Variants in VPS41 observed in about 807,000 individuals in gnomAD.
VPS41 encodes vacuolar protein sorting-associated protein 41 homolog.
VPS41 carries 85 observed loss-of-function variants against 130.9 expected under a neutral mutation model. That is an observed-to-expected ratio of 0.65 (90% CI 0.55 to 0.78). The LOEUF is 0.78. Ranked by LOEUF, VPS41 falls within the 30% of genes least tolerant of loss-of-function variation. The pLI, the probability that VPS41 is intolerant of heterozygous loss-of-function variation, is 0.00. For missense variants in VPS41, 874 were observed against 1,018.7 expected, an observed-to-expected ratio of 0.86 and a Z score of 1.93; for synonymous variants, 335 against 332.9, an observed-to-expected ratio of 1.01 and a Z score of -0.07.
At chr7:38,765,116 T>C (rs1784011327) in intron 16 of VPS41, among the ~76,000 whole-genome samples, 1 of 152,202 alleles carries the variant, frequency 6.6e-6, no homozygotes, top group Admixed American at 6.6e-5. Context: ...TTGATTAGGA[T>C]GTTGTGCACT....
intron 6 of VPS41, among the ~76,000 whole-genome samples, chr7:38,818,496 C>T (rs1785106253): frequency 6.6e-6 from 1 of 152,182 alleles, no homozygotes; most frequent in Non-Finnish European, 1.5e-5. Flanking sequence ...CAGCCCCTTG[C>T]TACCCAGGTT....
intron 2 of VPS41, among the ~76,000 whole-genome samples, chr7:38,880,598 C>T (rs1237632011): frequency 6.6e-6 from 1 of 152,066 alleles, no homozygotes; most frequent in East Asian, 1.9e-4. Flanking sequence ...CTCCCTGATG[C>T]GATTCTGAGA....
chr7:38,737,356 G>A (rs1795789612), intron 25 of VPS41, among the ~76,000 whole-genome samples: 1 of 152,040 alleles, frequency 6.6e-6, no homozygotes, highest in African/African-American at 2.4e-5. Flanking sequence ...TGGCGACAGA[G>A]CAAGACTCCG....
chr7:38,783,468 C>T lies in VPS41; in HGVS notation c.784+6333G>A, dbSNP rs535685527. Among the ~76,000 whole-genome samples, 3 of 151,694 alleles carry T rather than the reference C, an allele frequency of 2.0e-5. No homozygotes were observed. The East Asian group carries it at 5.8e-4, about 29-fold the overall frequency. On this transcript the variant is annotated intron_variant, in intron 10 of 28. Coordinates refer to ENST00000310301, the MANE Select transcript of VPS41 (RefSeq NM_014396.4). ...AGAATTGCTTGAACCTGGGAGGCAG[C>T]GATTACAGTGAGCCGAGATTGTGCC...
chr7:38,819,312 T>C (rs149937134), intron 6 of VPS41, among the ~76,000 whole-genome samples: 83 of 152,322 alleles, frequency 5.4e-4, no homozygotes, highest in African/African-American at 1.6e-3. Flanking sequence ...AAGCTGTTGA[T>C]CTCATTGCTT....
chr7:38,905,207 T>C (rs538709317), intron 1 of VPS41, among the ~76,000 whole-genome samples: 4 of 152,290 alleles, frequency 2.6e-5, no homozygotes, highest in African/African-American at 9.6e-5. Flanking sequence ...GTTCTTATTC[T>C]TGAGGACTCA....
At chr7:38,799,603 C>T (rs974449693) in intron 7 of VPS41, among the ~76,000 whole-genome samples, 2 of 152,010 alleles carry the variant, frequency 1.3e-5, no homozygotes, top group African/African-American at 4.8e-5. Context: ...AGTAAGACTC[C>T]AATTCTCACT....
At chr7:38,782,950 C>T (rs1455871980) in intron 10 of VPS41, among the ~76,000 whole-genome samples, 1 of 151,890 alleles carries the variant, frequency 6.6e-6, no homozygotes, top group African/African-American at 2.4e-5. Context: ...AACCCCGCCT[C>T]TATTAAACAT....
chr7:38,776,658 A>T (rs1440212072), intron 11 of VPS41, 21 bp downstream of exon 11: 1 of 1,435,112 alleles, frequency 7.0e-7, no homozygotes, highest in African/African-American at 1.4e-5. Flanking sequence ...ATGCCTTTGT[A>T]TCTGGGGAGA....
chr7:38,860,719 G>A (rs1274273168), intron 4 of VPS41, among the ~76,000 whole-genome samples: 3 of 151,570 alleles, frequency 2.0e-5, no homozygotes, highest in East Asian at 1.9e-4. Flanking sequence ...GTGTGTGTGT[G>A]TGTGTGTGTG....
chr7:38,726,000 G>T lies in VPS41; in HGVS notation c.*246C>A. On this transcript the variant is annotated 3_prime_UTR_variant, in exon 29 of 29. Coordinates refer to ENST00000310301, the MANE Select transcript of VPS41 (RefSeq NM_014396.4). The stretch of plus-strand genomic sequence containing the variant: ...GTTTCCATTACTATATAAAGAATGA[G>T]CCAAACAAATAAATAACAAAATATT... 1 of 443,470 alleles carries T rather than the reference G, an allele frequency of 2.3e-6. No individual in the cohort carries two copies. The highest frequency in any genetic ancestry group is 4.0e-6 in the Non-Finnish European group (1 of 248,630). 27.5% of individuals were successfully genotyped at this position (443,470 alleles called of 1,614,324 possible).
In VPS41 at chr7:38,756,841, T is replaced by A. The variant is rs1211073920; in HGVS notation, c.1692A>T (p.Ser564=). 6.4e-7 allele frequency: 1 copy of A among 1,552,390 alleles called. No individual in the cohort carries two copies. The highest frequency in any genetic ancestry group is 8.8e-7 in the Non-Finnish European group (1 of 1,137,652). ...ACTAAAATAAAAAGCACATTACCTC[T>A]GAATCAAAATCCATTAATAAAACAA... ...DKIVLLMDFD[S]EKAVDMLLDN... The change falls in exon 19 of 29, where the codon TCA becomes TCT. Residue 564 remains serine (S), a synonymous_variant. Transcript: ENST00000310301.
At chr7:38,791,538 CA>C (rs1306262416) in intron 9 of VPS41, among the ~76,000 whole-genome samples, 2 of 152,040 alleles carry the variant, frequency 1.3e-5, no homozygotes, top group African/African-American at 4.8e-5. Flanking sequence ...AAGTACAGAG[CA>C]GGGGCATCTC....
intron 25 of VPS41, among the ~76,000 whole-genome samples, chr7:38,739,205 GAAT>G (rs1795831978): frequency 2.0e-5 from 3 of 152,128 alleles, no homozygotes; most frequent in Admixed American, 1.3e-4. Flanking sequence ...CTACATTACT[GAAT>G]GGTTCTTGAT....
intron 4 of VPS41, among the ~76,000 whole-genome samples, chr7:38,840,941 A>T (rs1433371440): frequency 6.6e-6 from 1 of 152,212 alleles, no homozygotes; most frequent in Non-Finnish European, 1.5e-5. Context: ...CTTGAAGTAC[A>T]CAAGTTTCTC....
chr7:38,897,171 G>C (rs1038282301), intron 2 of VPS41, among the ~76,000 whole-genome samples: 1 of 119,536 alleles, frequency 8.4e-6, no homozygotes, highest in Admixed American at 1.1e-4. Context: ...TCTAGCCTAG[G>C]TGACAAGAGT....
chr7:38,864,940 G>A (rs914254567), intron 3 of VPS41, among the ~76,000 whole-genome samples: 10 of 152,068 alleles, frequency 6.6e-5, no homozygotes, highest in East Asian at 1.9e-4. Context: ...AGTAACTTAA[G>A]TAACTGATAA....
chr7:38,778,055 A>AT (rs895111284), intron 10 of VPS41, among the ~76,000 whole-genome samples: 68 of 152,338 alleles, frequency 4.5e-4, no homozygotes, highest in Middle Eastern at 3.4e-3. Flanking sequence ...CCAAAATAAA[A>AT]TTGTGGATGA....
At chr7:38,880,777 T>G (rs750834069) in intron 2 of VPS41, among the ~76,000 whole-genome samples, 7 of 152,238 alleles carry the variant, frequency 4.6e-5, no homozygotes, top group Admixed American at 2.6e-4. Flanking sequence ...GTTATAGCAT[T>G]TCTTGAGCCT....
Sources: gnomAD v4.1 joint callset for allele counts (sites outside exome capture counted in the v4.1 genomes callset) on GRCh38, gnomAD v4.1.1 for gene constraint, MANE v1.5 for transcripts, NCBI Gene and HGNC (gene_info 2026-07-23, HGNC 2026-07-21) for gene names.